MAD1L1: variants seen among roughly 807,000 people sequenced by gnomAD.
MAD1L1 encodes the protein mitotic arrest deficient 1 like 1, also known as mitotic spindle assembly checkpoint protein MAD1.
MAD1L1 carries 95 observed loss-of-function variants against 96.9 expected under a neutral mutation model. The ratio of observed to expected loss-of-function variants is 0.98; its 90% CI spans 0.83 to 1.16. MAD1L1 has a LOEUF of 1.16. MAD1L1 is among the 50% of genes most tolerant of loss of function. MAD1L1 has a pLI of 0.00. For synonymous variants in MAD1L1, 473 were observed against 396.6 expected, an observed-to-expected ratio of 1.19 and a Z score of -2.29; for missense variants, 1,007 against 954.4, an observed-to-expected ratio of 1.06 and a Z score of -0.73.
At chr7:2,005,410 C>T (rs1475352551) in intron 13 of MAD1L1, among the ~76,000 whole-genome samples, 1 of 152,176 alleles carries the variant, frequency 6.6e-6, no homozygotes, top group Non-Finnish European at 1.5e-5. Flanking sequence ...AATCTGTGCA[C>T]TTTGGTGTAT....
chr7:1,902,694 C>T (rs955710571), intron 17 of MAD1L1, among the ~76,000 whole-genome samples: 1 of 152,222 alleles, frequency 6.6e-6, no homozygotes, highest in Non-Finnish European at 1.5e-5. Flanking sequence ...TCTCAGGCTC[C>T]AGCCTCGCTG....
intron 11 of MAD1L1, among the ~76,000 whole-genome samples, chr7:2,073,471 C>A (rs1785231439): frequency 6.6e-6 from 1 of 152,184 alleles, no homozygotes; most frequent in Non-Finnish European, 1.5e-5. Flanking sequence ...CTACCCTTAG[C>A]ATAACTAGAG....
intron 14 of MAD1L1, among the ~76,000 whole-genome samples, chr7:1,987,079 T>C (rs930362068): frequency 6.6e-6 from 1 of 152,076 alleles, no homozygotes; most frequent in Non-Finnish European, 1.5e-5. Context: ...CCCGCTCCCA[T>C]CCACCATTTA....
At chr7:2,106,416 C>T (rs983707971) in intron 11 of MAD1L1, among the ~76,000 whole-genome samples, 16 of 151,816 alleles carry the variant, frequency 1.1e-4, no homozygotes, top group South Asian at 2.1e-4. Context: ...TCACTCTCCC[C>T]CTTTCCCAGG....
intron 17 of MAD1L1, among the ~76,000 whole-genome samples, chr7:1,907,756 A>C (rs13242597): frequency 0.37 from 56,146 of 152,002 alleles, 10,412 homozygotes; most frequent in East Asian, 0.43. Context: ...CCTCTTAATA[A>C]AACACATCCC....
At chr7:2,210,520 G>A (rs963497027) in intron 10 of MAD1L1, among the ~76,000 whole-genome samples, 13 of 118,466 alleles carry the variant, frequency 1.1e-4, no homozygotes, top group Non-Finnish European at 2.3e-4. Flanking sequence ...ATTCGGGACC[G>A]CCAGCCCGCA....
intron 10 of MAD1L1, among the ~76,000 whole-genome samples, chr7:2,178,649 G>A (rs1024409692): frequency 6.6e-6 from 1 of 152,080 alleles, no homozygotes; most frequent in African/African-American, 2.4e-5. Context: ...GTAATCCTAG[G>A]ACTCTGGGAG....
At chr7:2,034,284 T>C (rs1374685436) in intron 12 of MAD1L1, among the ~76,000 whole-genome samples, 2 of 151,856 alleles carry the variant, frequency 1.3e-5, no homozygotes, top group Non-Finnish European at 2.9e-5. Flanking sequence ...TGGTGTGATC[T>C]AGGCTCACAG....
At chr7:1,993,614 C>T (rs917916026) in intron 14 of MAD1L1, among the ~76,000 whole-genome samples, 1 of 152,200 alleles carries the variant, frequency 6.6e-6, no homozygotes, top group Non-Finnish European at 1.5e-5. Context: ...AAATCCTCTA[C>T]AACCAAGGCT....
intron 12 of MAD1L1, among the ~76,000 whole-genome samples, chr7:2,032,928 G>A (rs1217559963): frequency 1.3e-5 from 2 of 152,232 alleles, no homozygotes; most frequent in Admixed American, 1.3e-4. Flanking sequence ...TGGGGCAGGG[G>A]GGCAAGGCGC....
chr7:1,977,824 C>T (rs1033266688), intron 15 of MAD1L1, among the ~76,000 whole-genome samples: 4 of 152,254 alleles, frequency 2.6e-5, no homozygotes, highest in Non-Finnish European at 5.9e-5. Flanking sequence ...CAGCGTGACG[C>T]AGGCTCCTGC....
chr7:2,100,684 C>T (rs1584320543), intron 11 of MAD1L1, among the ~76,000 whole-genome samples: 1 of 152,230 alleles, frequency 6.6e-6, no homozygotes, highest in Non-Finnish European at 1.5e-5. Context: ...GAGTGGGAGC[C>T]GCGTCCACCC....
At chr7:1,891,587 T>C (rs896010408) in intron 18 of MAD1L1, among the ~76,000 whole-genome samples, 1 of 152,018 alleles carries the variant, frequency 6.6e-6, no homozygotes, top group Non-Finnish European at 1.5e-5. Flanking sequence ...TTTATTCTTA[T>C]TATTATTAGA....
intron 17 of MAD1L1, among the ~76,000 whole-genome samples, chr7:1,924,385 T>C (rs1788978716): frequency 6.6e-6 from 1 of 152,156 alleles, no homozygotes; most frequent in African/African-American, 2.4e-5. Context: ...TCTGAAAGCC[T>C]CTCTCATCTG....
intron 17 of MAD1L1, among the ~76,000 whole-genome samples, chr7:1,920,437 C>T (rs1012278434): frequency 2.6e-5 from 4 of 152,300 alleles, no homozygotes; most frequent in East Asian, 1.9e-4. Flanking sequence ...GTGGACCCAG[C>T]GATTCCTCAG....
At chr7:2,189,250 G>T (rs7790703) in intron 10 of MAD1L1, among the ~76,000 whole-genome samples, 7,038 of 152,304 alleles carry the variant, frequency 0.046, 578 homozygotes, top group African/African-American at 0.16. Context: ...AGCCACTGTG[G>T]AAAGCAATGT....
intron 12 of MAD1L1, among the ~76,000 whole-genome samples, chr7:2,026,953 G>T (rs954191287): frequency 6.6e-6 from 1 of 151,940 alleles, no homozygotes; most frequent in Non-Finnish European, 1.5e-5. Context: ...CCAAAAGATG[G>T]TTCCTCCAAA....
intron 18 of MAD1L1, among the ~76,000 whole-genome samples, chr7:1,835,480 G>C (rs1288672838): frequency 6.6e-6 from 1 of 152,122 alleles, no homozygotes; most frequent in African/African-American, 2.4e-5. Flanking sequence ...AAAATAAAAA[G>C]ATCAATATAC....
intron 10 of MAD1L1, among the ~76,000 whole-genome samples, chr7:2,211,485 G>C (rs1045406913): frequency 6.6e-6 from 1 of 152,240 alleles, no homozygotes; most frequent in Non-Finnish European, 1.5e-5. Context: ...GGACCCTCCA[G>C]CAGGGCCGGG....
Sources: allele counts gnomAD v4.1 joint callset (sites outside exome capture counted in the v4.1 genomes callset), GRCh38; gene constraint gnomAD v4.1.1; transcripts MANE v1.5; gene names NCBI Gene and HGNC (gene_info 2026-07-23, HGNC 2026-07-21).